JAKMIP3: variants seen among roughly 807,000 people sequenced by gnomAD.
JAKMIP3 encodes the protein janus kinase and microtubule-interacting protein 3.
A neutral mutation model predicts 118.5 loss-of-function variants in JAKMIP3; 58 were observed. That is an observed-to-expected ratio of 0.49 (90% CI 0.40 to 0.61). JAKMIP3 has a LOEUF of 0.61. Among genes scored for constraint, JAKMIP3 ranks in the 20% least tolerant of loss-of-function variants. JAKMIP3 has a pLI of 0.00. For synonymous variants in JAKMIP3, 486 were observed against 451.2 expected, an observed-to-expected ratio of 1.08 and a Z score of -0.98; for missense variants, 950 against 1,109.0, an observed-to-expected ratio of 0.86 and a Z score of 2.04.
rs368155516 is a variant in JAKMIP3 at position 132,153,845 on chromosome 10, C to A, written c.2142+18C>A. The A allele has an allele frequency of 9.9e-6, 16 of 1,612,772 alleles. No homozygotes were observed. The highest frequency in any genetic ancestry group is 8.5e-7 in the Non-Finnish European group (1 of 1,179,616). ...GCGAGAAGGTTGGTGGCACCTTCACCGAGGTTCTGCGGCTCGGTGCTGCAG... is the reference window on the plus strand; with the variant it reads ...GCGAGAAGGTTGGTGGCACCTTCACAGAGGTTCTGCGGCTCGGTGCTGCAG... On this transcript the variant is annotated intron_variant, in intron 18 of 23. Coordinates refer to ENST00000684848, the MANE Select transcript of JAKMIP3 (RefSeq NM_001323087.2).
At chr10:132,067,576 T>C (rs1167287714) in intron 1 of JAKMIP3, among the ~76,000 whole-genome samples, 2 of 152,244 alleles carry the variant, frequency 1.3e-5, no homozygotes, top group Non-Finnish European at 2.9e-5. Flanking sequence ...TCTTGGAAGG[T>C]TGATCTTGAC....
intron 14 of JAKMIP3, among the ~76,000 whole-genome samples, chr10:132,148,611 T>G (rs1207682253): frequency 6.6e-6 from 1 of 152,226 alleles, no homozygotes; most frequent in African/African-American, 2.4e-5. Context: ...TTCTTGCCCC[T>G]GAGTGAGGAC....
Position 132,163,208 on chromosome 10 carries a change from G to T in JAKMIP3, c.2221-1G>T. 6.4e-7 allele frequency: 1 copy of T among 1,555,446 alleles called. No homozygotes were observed. The highest frequency in any genetic ancestry group is 1.2e-5 in the South Asian group (1 of 84,398). ...CTAAGGCGTCTCCCCTTCCGCCCCAGCACATCCTGGAGCTGGAAGCCATGC... is the reference window on the plus strand; with the variant it reads ...CTAAGGCGTCTCCCCTTCCGCCCCATCACATCCTGGAGCTGGAAGCCATGC... On this transcript the variant is annotated splice_acceptor_variant, in intron 19 of 23. Coordinates refer to ENST00000684848, the MANE Select transcript of JAKMIP3 (RefSeq NM_001323087.2). LOFTEE classifies it high-confidence loss of function.
At chr10:132,156,660 G>T (rs1288334027) in intron 19 of JAKMIP3, among the ~76,000 whole-genome samples, 1 of 152,186 alleles carries the variant, frequency 6.6e-6, no homozygotes, top group African/African-American at 2.4e-5. Flanking sequence ...ACTCATGGAA[G>T]TGGTTCTGCC....
chr10:132,161,036 C>CTTT (rs2058165890), intron 19 of JAKMIP3, among the ~76,000 whole-genome samples: 1 of 93,486 alleles, frequency 1.1e-5, no homozygotes, highest in Non-Finnish European at 2.1e-5. Flanking sequence ...GGGGCCTCTT[C>CTTT]CTGTGTGATG....
chr10:132,070,133 C>CT lies in JAKMIP3; in HGVS notation c.-138+4072_-138+4073insT, dbSNP rs1213803447. Among the ~76,000 whole-genome samples the CT allele has an allele frequency of 3.5e-4, 52 of 149,520 alleles. No individual in the cohort carries two copies. The South Asian group carries it at 5.7e-3, about 16-fold the overall frequency. On this transcript the variant is annotated intron_variant, in intron 1 of 23. Transcript: ENST00000684848. The stretch of plus-strand genomic sequence containing the variant: ...CCTCTGTCTAAACAGCACTGTCTTC[C>CT]ATTTTTTTTTTTAGTTGCATTTTTA...
rs1400449135 is a variant in JAKMIP3, at chr10:132,139,240, CTGTGTGTGTATGTG to C, written c.1344+1080_1344+1093del. On this transcript the variant is annotated intron_variant, in intron 9 of 23. Coordinates refer to ENST00000684848, the MANE Select transcript of JAKMIP3 (RefSeq NM_001323087.2). ...TGTGTACATGTGAGTGTATATGCAT[CTGTGTGTGTATGTG>C]TGTGTGTGTATGTGTGTACATGTGA... 1.6e-3 allele frequency among the ~76,000 whole-genome samples: 139 copies of C among 84,906 alleles called. 3 individuals carry two copies. The highest frequency in any genetic ancestry group is 5.8e-3 in the African/African-American group (134 of 23,296). The allele number at this position is 84,906 out of a possible 152,430, so 55.7% of individuals were successfully genotyped here.
intron 1 of JAKMIP3, among the ~76,000 whole-genome samples, chr10:132,080,071 T>G (rs904761003): frequency 5.3e-5 from 8 of 152,224 alleles, no homozygotes; most frequent in African/African-American, 1.9e-4. Context: ...TCCCAGCTAC[T>G]CAGGAGGCTG....
chr10:132,072,600 T>C (rs1264813728), intron 1 of JAKMIP3, among the ~76,000 whole-genome samples: 1 of 152,182 alleles, frequency 6.6e-6, no homozygotes, highest in Non-Finnish European at 1.5e-5. Flanking sequence ...GTTTAGCCCA[T>C]TTACATTTAA....
intron 19 of JAKMIP3, among the ~76,000 whole-genome samples, chr10:132,157,902 C>T (rs2057286328): frequency 2.0e-5 from 3 of 151,828 alleles, no homozygotes; most frequent in South Asian, 2.1e-4. Flanking sequence ...GTAATTTTTA[C>T]GAGGTTGATG....
chr10:132,059,861 TGA>T (rs1345674357), upstream of JAKMIP3, among the ~76,000 whole-genome samples: 1 of 152,146 alleles, frequency 6.6e-6, no homozygotes, highest in African/African-American at 2.4e-5. Flanking sequence ...CCAGAGGGAC[TGA>T]GAGAGAAAGA....
intron 1 of JAKMIP3, among the ~76,000 whole-genome samples, chr10:132,092,165 G>A (rs1482201974): frequency 6.6e-6 from 1 of 151,806 alleles, no homozygotes; most frequent in Non-Finnish European, 1.5e-5. Flanking sequence ...TCCCTTTGTG[G>A]GTAACCCGAC....
intron 1 of JAKMIP3, among the ~76,000 whole-genome samples, chr10:132,048,891 T>TA (rs2038016138): frequency 2.0e-5 from 3 of 152,062 alleles, no homozygotes; most frequent in Non-Finnish European, 4.4e-5. Context: ...CCGCCTGCCT[T>TA]CGCCTCCCAA....
At chr10:132,164,803 C>G in intron 21 of JAKMIP3, 68 bp downstream of exon 21, 3 of 1,084,368 alleles carry the variant, frequency 2.8e-6, no homozygotes, top group Admixed American at 1.8e-5. Context: ...GTCACCCCGA[C>G]CTGAGTCACT....
intron 1 of JAKMIP3, among the ~76,000 whole-genome samples, chr10:132,103,483 G>A (rs1397753535): frequency 9.6e-6 from 1 of 104,110 alleles, no homozygotes; most frequent in African/African-American, 4.8e-5. Context: ...TGGAGGGGAA[G>A]AGCACCTGGG....
chr10:132,180,250 G>C (rs957074399), intron 23 of JAKMIP3, among the ~76,000 whole-genome samples: 1 of 152,160 alleles, frequency 6.6e-6, no homozygotes, highest in Non-Finnish European at 1.5e-5. Flanking sequence ...AGACACTCTT[G>C]AGTGAGGACC....
chr10:132,177,528 G>GTA (rs2060263449), intron 23 of JAKMIP3, among the ~76,000 whole-genome samples: 1 of 146,018 alleles, frequency 6.8e-6, no homozygotes, highest in Non-Finnish European at 1.5e-5. Flanking sequence ...GGTAGTGTGT[G>GTA]TGTGTGTGCA....
In JAKMIP3 at chr10:132,149,494, A is replaced by T. The variant is rs1168989925; in HGVS notation, c.1931A>T (p.Glu644Val). The change falls in exon 15 of 24, where the codon GAG (glutamate) becomes GTG (valine). Residue 644 changes from glutamate to valine, a missense_variant. By Grantham distance (121) the Glu-to-Val change is moderately radical. Transcript: ENST00000684848. ...DGKSPLQVYC[E>V]AEGVTDIVVA... ...AAGAGCCCCCTCCAGGTGTACTGCG[A>T]GGCCGAAGGTGTGACGGTGAGTCCC... 1 of 1,585,242 alleles carries T rather than the reference A, an allele frequency of 6.3e-7. No individual in the cohort carries two copies. The highest frequency in any genetic ancestry group is 1.8e-5 in the Admixed American group (1 of 56,984).
chr10:132,042,184 C>CTTCCTTACTTCCTTCCTTCCT (rs1554909339), intron 1 of JAKMIP3, among the ~76,000 whole-genome samples: 11 of 132,096 alleles, frequency 8.3e-5, no homozygotes, highest in African/African-American at 3.3e-4. Context: ...TGCTCGCTCG[C>CTTCCTTACTTCCTTCCTTCCT]TCCTTCCTTC....
Sources: gnomAD v4.1 joint callset for allele counts (sites outside exome capture counted in the v4.1 genomes callset) on GRCh38, gnomAD v4.1.1 for gene constraint, MANE v1.5 for transcripts, NCBI Gene and HGNC (gene_info 2026-07-23, HGNC 2026-07-21) for gene names.